The following OPCML variants were observed in gnomAD, a reference collection of about 807,000 sequenced individuals.
OPCML encodes opioid-binding protein/cell adhesion molecule.
A neutral mutation model predicts 37.8 loss-of-function variants in OPCML; 13 were observed. That is an observed-to-expected ratio of 0.34 (90% CI 0.22 to 0.55). The LOEUF (loss-of-function observed/expected upper bound fraction) is 0.55, where lower values mean the gene tolerates loss of function less well. Among genes scored for constraint, OPCML ranks in the 20% least tolerant of loss-of-function variants. The pLI, the probability that OPCML is intolerant of heterozygous loss-of-function variation, is 0.91. For synonymous variants in OPCML, 176 were observed against 168.8 expected, an observed-to-expected ratio of 1.04 and a Z score of -0.33; for missense variants, 341 against 435.6, an observed-to-expected ratio of 0.78 and a Z score of 1.93.
At chr11:132,910,127 C>G (rs1944376847) in intron 2 of OPCML, among the ~76,000 whole-genome samples, 1 of 152,194 alleles carries the variant, frequency 6.6e-6, no homozygotes, top group Admixed American at 6.5e-5. Context: ...GGCACTCCTC[C>G]TCTGAGCACT....
At chr11:132,496,317 A>G (rs2096231114) in intron 4 of OPCML, among the ~76,000 whole-genome samples, 1 of 152,242 alleles carries the variant, frequency 6.6e-6, no homozygotes, top group Admixed American at 6.5e-5. Context: ...GAAGCATTTT[A>G]TAGCATGCTG....
chr11:132,744,603 AG>A (rs1945551277), intron 2 of OPCML, among the ~76,000 whole-genome samples: 1 of 152,230 alleles, frequency 6.6e-6, no homozygotes, highest in Non-Finnish European at 1.5e-5. Context: ...AGGAAAGAAC[AG>A]TGTGTAGGCA....
rs1417009312 is a variant in OPCML, at chr11:133,051,384, AG to A, written c.62-108375del. Among the ~76,000 whole-genome samples, 4 of 152,346 alleles carry A rather than the reference AG, an allele frequency of 2.6e-5. No homozygotes were observed. The East Asian group carries it at 7.7e-4, about 29-fold the overall frequency. Reference sequence around the variant, plus strand: ...CAACCGAAAAAAGGAAGAGTGAAGCAGTTAGAGTCTGCACCCAGACATTCCA... The same window carrying A: ...CAACCGAAAAAAGGAAGAGTGAAGCATTAGAGTCTGCACCCAGACATTCCA... On this transcript the variant is annotated intron_variant, in intron 1 of 7. Transcript: ENST00000524381.
chr11:132,848,253 T>A (rs1216834180), intron 2 of OPCML, among the ~76,000 whole-genome samples: 19 of 152,234 alleles, frequency 1.2e-4, no homozygotes, highest in Non-Finnish European at 1.9e-4. Context: ...ACTGCTATTC[T>A]ACAAGTATGA....
chr11:133,483,765 AAG>A (rs1214337526), intron 1 of OPCML, among the ~76,000 whole-genome samples: 9 of 138,356 alleles, frequency 6.5e-5, no homozygotes, highest in African/African-American at 9.4e-5. Flanking sequence ...TAGAGAGAAA[AAG>A]AGATTTATAG....
intron 1 of OPCML, among the ~76,000 whole-genome samples, chr11:133,010,015 A>C (rs1023957066): frequency 8.5e-5 from 13 of 152,178 alleles, no homozygotes; most frequent in African/African-American, 1.9e-4. Context: ...GCCTCCCCCT[A>C]GTCCCTTTTC....
At chr11:132,757,143 T>C (rs1946080256) in intron 2 of OPCML, among the ~76,000 whole-genome samples, 1 of 152,200 alleles carries the variant, frequency 6.6e-6, no homozygotes, top group African/African-American at 2.4e-5. Context: ...TCCTTTTTCA[T>C]GGCTACATAG....
At chr11:133,524,934 G>A (rs926576097) in intron 1 of OPCML, among the ~76,000 whole-genome samples, 3 of 152,226 alleles carry the variant, frequency 2.0e-5, no homozygotes, top group Non-Finnish European at 4.4e-5. Flanking sequence ...TGAGCACTCA[G>A]TGTTTATTTA....
At chr11:133,089,279 T>C (rs1555091162) in intron 1 of OPCML, among the ~76,000 whole-genome samples, 1 of 152,200 alleles carries the variant, frequency 6.6e-6, no homozygotes, top group Non-Finnish European at 1.5e-5. Context: ...AAGAAGATTC[T>C]AAGGAGAATG....
At chr11:133,281,595 G>C (rs1942159484) in intron 1 of OPCML, among the ~76,000 whole-genome samples, 1 of 151,998 alleles carries the variant, frequency 6.6e-6, no homozygotes, top group Admixed American at 6.6e-5. Context: ...CCAAGGAGTG[G>C]GGTGTTGGCA....
At chr11:133,197,551 G>A (rs1238309484) in intron 1 of OPCML, among the ~76,000 whole-genome samples, 1 of 152,152 alleles carries the variant, frequency 6.6e-6, no homozygotes, top group Non-Finnish European at 1.5e-5. Context: ...GAAATGCCTA[G>A]ATAATAAGCC....
At chr11:132,851,901 C>T (rs968115911) in intron 2 of OPCML, among the ~76,000 whole-genome samples, 14 of 152,112 alleles carry the variant, frequency 9.2e-5, no homozygotes, top group African/African-American at 2.9e-4. Context: ...AGTTATATGG[C>T]CAGTGAAGGA....
chr11:133,272,280 A>G (rs1468582526), intron 1 of OPCML, among the ~76,000 whole-genome samples: 4 of 152,064 alleles, frequency 2.6e-5, no homozygotes, highest in East Asian at 1.9e-4. Flanking sequence ...GAAAACTGAA[A>G]GATAAATGCA....
chr11:133,044,072 C>T (rs536125979), intron 1 of OPCML, among the ~76,000 whole-genome samples: 41 of 152,210 alleles, frequency 2.7e-4, no homozygotes, highest in African/African-American at 8.9e-4. Context: ...CTTTGCTATC[C>T]TATGGAGAGG....
intron 3 of OPCML, among the ~76,000 whole-genome samples, chr11:132,595,533 G>T (rs536924018): frequency 2.6e-5 from 4 of 152,226 alleles, no homozygotes; most frequent in African/African-American, 9.6e-5. Flanking sequence ...ACCTATTTCA[G>T]CCCTGGGAGC....
At chr11:133,310,464 A>G (rs1391644376) in intron 1 of OPCML, among the ~76,000 whole-genome samples, 1 of 152,198 alleles carries the variant, frequency 6.6e-6, no homozygotes. Context: ...TGGATACCTC[A>G]AAGCAAGTTA....
At chr11:132,484,433 C>G (rs1181236773) in intron 4 of OPCML, among the ~76,000 whole-genome samples, 6 of 152,086 alleles carry the variant, frequency 3.9e-5, no homozygotes, top group Admixed American at 1.3e-4. Context: ...TGCTGGAGAG[C>G]TTGTGGAGAA....
chr11:132,704,232 G>A (rs377049591), intron 2 of OPCML, among the ~76,000 whole-genome samples: 4 of 152,152 alleles, frequency 2.6e-5, no homozygotes, highest in African/African-American at 9.7e-5. Flanking sequence ...AGTATCAAAT[G>A]GGCAAGCAAG....
chr11:133,287,312 A>G (rs1340478846), intron 1 of OPCML, among the ~76,000 whole-genome samples: 1 of 109,384 alleles, frequency 9.1e-6, no homozygotes, highest in Non-Finnish European at 1.7e-5. Context: ...AGGTTTCACT[A>G]TGTTGCCCAG....
Sources: gnomAD v4.1 joint callset for allele counts (sites outside exome capture counted in the v4.1 genomes callset) on GRCh38, gnomAD v4.1.1 for gene constraint, MANE v1.5 for transcripts, NCBI Gene and HGNC (gene_info 2026-07-23, HGNC 2026-07-21) for gene names.